Variants in KRT8 observed in about 807,000 individuals in gnomAD.
KRT8 encodes the protein keratin, type II cytoskeletal 8.
KRT8 carries 24 observed loss-of-function variants against 43.0 expected under a neutral mutation model. That is an observed-to-expected ratio of 0.56 (90% CI 0.40 to 0.78). The LOEUF (loss-of-function observed/expected upper bound fraction) is 0.78. KRT8 is among the 30% of genes least tolerant of loss of function. KRT8 has a pLI of 0.00. For missense variants in KRT8, 492 were observed against 638.4 expected (o/e 0.77, Z 2.47); for synonymous variants, 214 against 261.2 (o/e 0.82, Z 1.74).
At chr12:52,901,937 G>C in exon 2 of KRT8, 2 of 1,611,018 alleles carry the variant, frequency 1.2e-6, no homozygotes, top group East Asian at 2.2e-5. Context: ...TCCTGGCCCA[G>C]AGTCTCCAGC....
upstream of KRT8, chr12:52,907,014 C>A (rs1397129564): frequency 8.5e-6 from 2 of 236,098 alleles, no homozygotes; most frequent in African/African-American, 2.3e-5. Context: ...ACACACACAC[C>A]CCACACATTG....
At chr12:52,945,890 C>T (rs779028565) in intron 2 of KRT8, among the ~76,000 whole-genome samples, 1 of 152,130 alleles carries the variant, frequency 6.6e-6, no homozygotes, top group Non-Finnish European at 1.5e-5. Flanking sequence ...CCACCCCCAC[C>T]CCAGAACCCT....
At chr12:52,903,931 C>A (rs1330150173) in intron 1 of KRT8, among the ~76,000 whole-genome samples, 1 of 146,918 alleles carries the variant, frequency 6.8e-6, no homozygotes, top group Non-Finnish European at 1.5e-5. Flanking sequence ...GAGAGCGTCC[C>A]GAGACTGCTG....
chr12:52,943,809 C>T (rs1942303122), intron 2 of KRT8, among the ~76,000 whole-genome samples: 1 of 152,234 alleles, frequency 6.6e-6, no homozygotes, highest in Non-Finnish European at 1.5e-5. Flanking sequence ...TCCCTAAACA[C>T]TGCTGGCAGA....
At chr12:52,912,071 T>C (rs1482428274) in intron 2 of KRT8, among the ~76,000 whole-genome samples, 1 of 152,128 alleles carries the variant, frequency 6.6e-6, no homozygotes, top group Non-Finnish European at 1.5e-5. Flanking sequence ...TTTTAAAAAG[T>C]GGTCTGGCAG....
intron 2 of KRT8, chr12:52,949,093 A>G: frequency 7.3e-7 from 1 of 1,366,166 alleles, no homozygotes; most frequent in East Asian, 2.3e-5. Context: ...TCTGCGATAT[A>G]ACTCGGGTCG....
intron 2 of KRT8, among the ~76,000 whole-genome samples, chr12:52,918,848 G>C (rs1941829679): frequency 1.3e-5 from 2 of 152,162 alleles, no homozygotes; most frequent in South Asian, 4.1e-4. Flanking sequence ...CATGGAACTT[G>C]TGTTCACATC....
chr12:52,930,683 C>T (rs1381854196), intron 2 of KRT8, among the ~76,000 whole-genome samples: 2 of 152,144 alleles, frequency 1.3e-5, no homozygotes, highest in Non-Finnish European at 2.9e-5. Flanking sequence ...ACCTCAGCCT[C>T]CTGAGTAGCT....
At chr12:52,949,096 T>G in intron 2 of KRT8, 2 of 1,325,992 alleles carry the variant, frequency 1.5e-6, no homozygotes, top group Non-Finnish European at 2.1e-6. Flanking sequence ...GCGATATAAC[T>G]CGGGTCGCGC....
upstream of KRT8, among the ~76,000 whole-genome samples, chr12:52,908,495 T>C (rs952420012): frequency 1.3e-5 from 2 of 152,226 alleles, no homozygotes; most frequent in African/African-American, 4.8e-5. Flanking sequence ...GAACTACTGA[T>C]GCATGTTGGA....
chr12:52,903,260 GCT>G (rs199613343), intron 1 of KRT8, among the ~76,000 whole-genome samples: 54,938 of 151,724 alleles, frequency 0.36, 10,183 homozygotes, highest in Middle Eastern at 0.41. Flanking sequence ...GGATTTAGGG[GCT>G]CTCATATTCA....
chr12:52,904,313 A>G (rs1430262886), intron 1 of KRT8, among the ~76,000 whole-genome samples: 1 of 152,120 alleles, frequency 6.6e-6, no homozygotes, highest in African/African-American at 2.4e-5. Context: ...ATTATTTTTT[A>G]TAATTTGGGG....
chr12:52,920,859 G>A lies in KRT8; in HGVS notation c.-46-15832C>T, dbSNP rs369919940. On this transcript the variant is annotated intron_variant, in intron 2 of 6. Coordinates refer to the KRT8 transcript ENST00000546826. ...TTCAAGACCAGCCTGGACAACCAGC[G>A]ACATAGCAAGACCCTGCATGTGTGC... Among the ~76,000 whole-genome samples the A allele has an allele frequency of 5.3e-5, 8 of 152,272 alleles. No individual in the cohort carries two copies. The East Asian group carries it at 9.6e-4, about 18-fold the overall frequency.
At chr12:52,931,677 T>TATATATA (rs1565730622) in intron 2 of KRT8, among the ~76,000 whole-genome samples, 1 of 151,554 alleles carries the variant, frequency 6.6e-6, no homozygotes, top group Non-Finnish European at 1.5e-5. Flanking sequence ...TATATATATA[T>TATATATA]TTGAGACGGA....
chr12:52,938,165 TA>T lies in KRT8; in HGVS notation c.-47+11290del, dbSNP rs1331344882. Reference sequence around the variant, plus strand: ...ATATATATATATATATATATATATATATATATTTTTTTTTTTTTTTATATAT... The same window carrying T: ...ATATATATATATATATATATATATATTATATTTTTTTTTTTTTTTATATAT... On this transcript the variant is annotated intron_variant, in intron 2 of 6. Transcript: ENST00000546826. Among the ~76,000 whole-genome samples the T allele has an allele frequency of 3.4e-3, 133 of 39,690 alleles. 1 individual carries two copies. Among genetic ancestry groups the T allele is most frequent in the African/African-American group, 0.017 (102 of 6,104 alleles). 26.0% of individuals were successfully genotyped at this position (39,690 alleles called of 152,430 possible). A position where few individuals can be genotyped will look rare whatever the true frequency, so the allele number is the denominator to read the frequency against.
chr12:52,929,015 G>A (rs539049302), intron 2 of KRT8, among the ~76,000 whole-genome samples: 19 of 152,168 alleles, frequency 1.2e-4, no homozygotes, highest in African/African-American at 4.3e-4. Flanking sequence ...GACCATACTC[G>A]TTGTCAATTT....
chr12:52,921,901 C>T (rs1477003400), intron 2 of KRT8, among the ~76,000 whole-genome samples: 8 of 152,100 alleles, frequency 5.3e-5, no homozygotes, highest in South Asian at 2.1e-4. Flanking sequence ...CACAGTGGCT[C>T]ACACCTGTAA....
intron 2 of KRT8, among the ~76,000 whole-genome samples, chr12:52,917,714 A>AAAGAAG (rs370137953): frequency 3.1e-5 from 3 of 95,678 alleles, no homozygotes; most frequent in African/African-American, 1.2e-4. Context: ...GTCTCAAAAA[A>AAAGAAG]AAAAAAAAAA....
chr12:52,916,307 A>G (rs1941739135), intron 2 of KRT8, among the ~76,000 whole-genome samples: 1 of 152,216 alleles, frequency 6.6e-6, no homozygotes, highest in Non-Finnish European at 1.5e-5. Context: ...GGAGGCCTGC[A>G]GTGTGGTAGG....
Sources: allele counts gnomAD v4.1 joint callset (sites outside exome capture counted in the v4.1 genomes callset), GRCh38; gene constraint gnomAD v4.1.1; transcripts MANE v1.5; gene names NCBI Gene and HGNC (gene_info 2026-07-23, HGNC 2026-07-21).